The following SSH1 variants were observed in gnomAD, a reference collection of about 807,000 sequenced individuals.
SSH1 encodes slingshot protein phosphatase 1.
Under a neutral mutation model 79.7 loss-of-function variants are expected in SSH1, and 43 were observed. That is an observed-to-expected ratio of 0.54 (90% CI 0.42 to 0.70). The LOEUF (loss-of-function observed/expected upper bound fraction) is 0.70, where lower values mean the gene tolerates loss of function less well. Among genes scored for constraint, SSH1 ranks in the 30% least tolerant of loss-of-function variants. SSH1 has a pLI of 0.00. For missense variants in SSH1, 1,206 were observed against 1,358.8 expected (o/e 0.89, Z 1.77); for synonymous variants, 599 against 538.3 (o/e 1.11, Z -1.56).
intron 2 of SSH1, among the ~76,000 whole-genome samples, chr12:108,837,960 T>G (rs1230206219): frequency 3.3e-5 from 5 of 152,038 alleles, no homozygotes; most frequent in Non-Finnish European, 5.9e-5. Flanking sequence ...TTTTTTAATT[T>G]TTTTGTAGAG....
At chr12:108,847,376 C>A (rs531764144) in intron 2 of SSH1, among the ~76,000 whole-genome samples, 1 of 152,124 alleles carries the variant, frequency 6.6e-6, no homozygotes, top group African/African-American at 2.4e-5. Flanking sequence ...CAGAACCCCA[C>A]TGCCTTCCCT....
intron 3 of SSH1, among the ~76,000 whole-genome samples, chr12:108,819,620 G>C (rs1299974392): frequency 2.6e-5 from 4 of 152,170 alleles, no homozygotes; most frequent in Non-Finnish European, 4.4e-5. Flanking sequence ...CTTGAGGCCA[G>C]GCATTCAAGA....
chr12:108,809,331 C>G (rs933105889), intron 7 of SSH1, among the ~76,000 whole-genome samples: 1 of 151,474 alleles, frequency 6.6e-6, no homozygotes, highest in African/African-American at 2.4e-5. Flanking sequence ...GTGGCGCATG[C>G]CTGTAGTCCC....
chr12:108,803,948 GTCTT>G (rs2037146590), intron 10 of SSH1, among the ~76,000 whole-genome samples: 1 of 152,060 alleles, frequency 6.6e-6, no homozygotes, highest in African/African-American at 2.4e-5. Flanking sequence ...AGAAAACAAA[GTCTT>G]TCTTGTCTCT....
intron 7 of SSH1, among the ~76,000 whole-genome samples, chr12:108,808,426 C>T (rs1171169761): frequency 6.6e-6 from 1 of 152,156 alleles, no homozygotes; most frequent in African/African-American, 2.4e-5. Context: ...CAGAAACAAA[C>T]AACAACAAAC....
intron 6 of SSH1, 62 bp downstream of exon 6, chr12:108,811,198 C>T (rs142219705): frequency 5.0e-5 from 74 of 1,481,594 alleles, no homozygotes; most frequent in South Asian, 7.9e-5. Context: ...ATGCCTGAAC[C>T]AGCTCGTGTT....
intron 3 of SSH1, among the ~76,000 whole-genome samples, chr12:108,819,980 T>C (rs148210577): frequency 1.5e-4 from 23 of 152,248 alleles, no homozygotes; most frequent in African/African-American, 5.1e-4. Context: ...CAGAGAGGAA[T>C]TGGGTCATTA....
At chr12:108,795,696 A>AAAAAATAT (rs1377145621) in intron 13 of SSH1, among the ~76,000 whole-genome samples, 5 of 152,048 alleles carry the variant, frequency 3.3e-5, no homozygotes, top group African/African-American at 1.2e-4. Flanking sequence ...TCTCTACAGA[A>AAAAAATAT]AAAAATATAA....
In SSH1 at chr12:108,788,444, G is replaced by C. The variant is rs777223087; in HGVS notation, c.2694C>G (p.Pro898=). The change falls in exon 15 of 15, where the codon CCC becomes CCG. Residue 898 remains proline, a synonymous_variant. Coordinates refer to ENST00000326495, the MANE Select transcript of SSH1 (RefSeq NM_018984.4). ...GGTCCAGGCGGTAGAAGAAAGGAGG[G>C]GGGCTCTTCAGTGAGCCTCCTTCCA... The part of the protein sequence containing the change: ...ASLEGGSLKS[P]PPFFYRLDHT... 3 of 1,574,578 alleles carry C rather than the reference G, an allele frequency of 1.9e-6. No individual in the cohort carries two copies. The highest frequency in any genetic ancestry group is 1.7e-4 in the Middle Eastern group (1 of 5,856).
intron 2 of SSH1, among the ~76,000 whole-genome samples, chr12:108,850,725 C>G (rs1169092054): frequency 4.2e-5 from 2 of 47,288 alleles, no homozygotes; most frequent in African/African-American, 1.7e-4. Context: ...GGGAGGGGAT[C>G]TGGGGGAGGG....
intron 2 of SSH1, among the ~76,000 whole-genome samples, chr12:108,852,268 GCT>G (rs1171369914): frequency 7.1e-6 from 1 of 141,504 alleles, no homozygotes; most frequent in Non-Finnish European, 1.5e-5. Context: ...ACGGAGTTTT[GCT>G]CTGTCGCCAG....
In SSH1 at chr12:108,843,815, G is replaced by A. The variant is rs528729997; in HGVS notation, c.110+8823C>T. On this transcript the variant is annotated intron_variant, in intron 2 of 14. Transcript: ENST00000326495. ...CTCCCAAAGTGCTAGGATTACAGGC[G>A]TGAGCCACTGAGCCCAGCCTCTTAA... Among the ~76,000 whole-genome samples, 20 of 152,292 alleles carry A rather than the reference G, an allele frequency of 1.3e-4. No individual in the cohort carries two copies. In the East Asian group the frequency reaches 3.7e-3, roughly 28 times the overall value.
At chr12:108,818,440 C>A (rs2037988906) in intron 3 of SSH1, 127 bp from the exon 4 acceptor site, 1 of 764,472 alleles carries the variant, frequency 1.3e-6, no homozygotes, top group African/African-American at 1.8e-5. Context: ...ACCTACACCA[C>A]AGGAGAATCA....
intron 11 of SSH1, among the ~76,000 whole-genome samples, chr12:108,801,859 A>C (rs2037024043): frequency 6.6e-6 from 1 of 152,154 alleles, no homozygotes; most frequent in Non-Finnish European, 1.5e-5. Flanking sequence ...CACTGAGCGT[A>C]AAGTTGCAAG....
At chr12:108,840,199 G>C (rs533026600) in intron 2 of SSH1, among the ~76,000 whole-genome samples, 1 of 151,988 alleles carries the variant, frequency 6.6e-6, no homozygotes, top group African/African-American at 2.4e-5. Flanking sequence ...AGGAGCCCCC[G>C]CACCCTCCAG....
Position 108,799,029 on chromosome 12 carries a change from C to A in SSH1, c.1320G>T (p.Leu440=). 1 of 1,613,858 alleles carries A rather than the reference C, an allele frequency of 6.2e-7. No homozygotes were observed. Among genetic ancestry groups the A allele is most frequent in the Non-Finnish European group, 8.5e-7 (1 of 1,180,050 alleles). Residue 440 remains leucine (L), a synonymous_variant, in exon 13 of 15, where the codon CTG becomes CTT. Coordinates refer to ENST00000326495, the MANE Select transcript of SSH1 (RefSeq NM_018984.4). The stretch of plus-strand genomic sequence containing the variant: ...CATCCAAGATGCCTTCATACTCAGA[C>A]AGCTGCCTCATAAAGCCCGCGTTGG... ...TRPNAGFMRQ[L]SEYEGILDAS...
At chr12:108,836,802 T>C (rs1038493415) in intron 2 of SSH1, 6 of 434,898 alleles carry the variant, frequency 1.4e-5, no homozygotes, top group African/African-American at 5.9e-5. Context: ...TGCCACCTTA[T>C]GGGATTCAAC....
Position 108,785,255 on chromosome 12 carries a change from G to C in SSH1, c.*2733C>G, listed in dbSNP as rs367683190. The C allele has an allele frequency of 6.6e-6, 1 of 152,380 alleles. No individual in the cohort carries two copies. Among genetic ancestry groups the C allele is most frequent in the South Asian group, 2.1e-4 (1 of 4,824 alleles). 9.4% of individuals were successfully genotyped at this position (152,380 alleles called of 1,614,324 possible). A position where few individuals can be genotyped will look rare whatever the true frequency, so the allele number is the denominator to read the frequency against. ...CCTGCCTCAGCCTCCTAAGTAGCTAGGATTACAGGCACGCACTACCACACC... is the reference window on the plus strand; with the variant it reads ...CCTGCCTCAGCCTCCTAAGTAGCTACGATTACAGGCACGCACTACCACACC... On this transcript the variant is annotated 3_prime_UTR_variant, in exon 15 of 15. Coordinates refer to ENST00000326495, the MANE Select transcript of SSH1 (RefSeq NM_018984.4).
chr12:108,778,527 T>C lies in SSH1; in HGVS notation c.*9461A>G, dbSNP rs902246645. The C allele has an allele frequency of 6.6e-6, 1 of 152,184 alleles. No individual in the cohort carries two copies. The highest frequency in any genetic ancestry group is 1.5e-5 in the Non-Finnish European group (1 of 68,040). The allele number at this position is 152,184 out of a possible 1,614,324, so 9.4% of individuals were successfully genotyped here. ...TTCCTCTGTAAAACAGAATCATATC[T>C]GCGGTGAGGATTAACTTGGTAATAC... On this transcript the variant is annotated 3_prime_UTR_variant, in exon 15 of 15. Coordinates refer to ENST00000326495, the MANE Select transcript of SSH1 (RefSeq NM_018984.4).
Sources: gnomAD v4.1 joint callset for allele counts (sites outside exome capture counted in the v4.1 genomes callset) on GRCh38, gnomAD v4.1.1 for gene constraint, MANE v1.5 for transcripts, NCBI Gene and HGNC (gene_info 2026-07-23, HGNC 2026-07-21) for gene names.